The following AGL variants were observed in gnomAD, a reference collection of about 807,000 sequenced individuals.
AGL encodes amylo-alpha-1,6-glucosidase and 4-alpha-glucanotransferase.
AGL carries 128 observed loss-of-function variants against 199.3 expected under a neutral mutation model. The ratio of observed to expected loss-of-function variants is 0.64; its 90% CI spans 0.56 to 0.74. The LOEUF (loss-of-function observed/expected upper bound fraction) is 0.74, where lower values mean the gene tolerates loss of function less well. Among genes scored for constraint, AGL ranks in the 30% least tolerant of loss-of-function variants. The pLI, the probability that AGL is intolerant of heterozygous loss-of-function variation, is 0.00. For missense variants in AGL, 1,809 were observed against 1,820.8 expected (o/e 0.99, Z 0.12); for synonymous variants, 584 against 594.7 (o/e 0.98, Z 0.26).
intron 23 of AGL, 141 bp downstream of exon 23, chr1:99,891,880 T>A: frequency 1.1e-6 from 1 of 911,284 alleles, no homozygotes; most frequent in Non-Finnish European, 1.8e-6. Flanking sequence ...AGTAAATTTA[T>A]TAGCATCCTT....
chr1:99,899,585 C>T (rs1007212849), intron 25 of AGL, among the ~76,000 whole-genome samples: 1 of 138,630 alleles, frequency 7.2e-6, no homozygotes, highest in South Asian at 2.5e-4. Flanking sequence ...TCCCTCTCTC[C>T]TTCCTTCCTT....
At chr1:99,903,703 A>T (rs919274702) in intron 27 of AGL, among the ~76,000 whole-genome samples, 4 of 152,180 alleles carry the variant, frequency 2.6e-5, no homozygotes, top group Non-Finnish European at 4.4e-5. Flanking sequence ...TCCCTGAGGA[A>T]TCGCCACACT....
Position 99,884,582 on chromosome 1 carries a change from C to G in AGL, c.2560C>G (p.Pro854Ala). The change falls in exon 20 of 34, where the codon CCA becomes GCA. Residue 854 changes from proline to alanine, a missense_variant. Physicochemically the swap from Pro to Ala is conservative, Grantham distance 27 (BLOSUM62 -1). Transcript: ENST00000361915. ...TAACATTTTCAGAGTTAGTCTTGAT[C>G]CACATGCACAAGTCGCTGTTGGAAT... ...SVIIFRVSLDPHAQVAVGILR... is the reference protein window; with the variant it reads ...SVIIFRVSLDAHAQVAVGILR... The G allele has an allele frequency of 6.2e-7, 1 of 1,613,860 alleles. No homozygotes were observed. Among genetic ancestry groups the G allele is most frequent in the Non-Finnish European group, 8.5e-7 (1 of 1,179,912 alleles).
rs773550577 is a variant in AGL at position 99,913,559 on chromosome 1, A to G, written c.3982A>G (p.Asn1328Asp). The G allele has an allele frequency of 6.2e-7, 1 of 1,613,842 alleles. No homozygotes were observed. Among genetic ancestry groups the G allele is most frequent in the Admixed American group, 1.7e-5 (1 of 59,944 alleles). The change falls in exon 30 of 34, where the codon AAC becomes GAC. Residue 1328 changes from asparagine to aspartate, a missense_variant. By Grantham distance (23) the Asn-to-Asp change is conservative (BLOSUM62 1). Coordinates refer to ENST00000361915, the MANE Select transcript of AGL (RefSeq NM_000642.3). ...TATAAAGGTCTCATATGATGAGTGG[A>G]ACAGAAAAATACAAGACAACTTTGA... Reference protein sequence around the residue: ...KAIKVSYDEWNRKIQDNFEKL... With the variant: ...KAIKVSYDEWDRKIQDNFEKL...
intron 29 of AGL, 92 bp downstream of exon 29, chr1:99,912,609 T>C (rs1654829634): frequency 2.2e-6 from 2 of 919,966 alleles, no homozygotes; most frequent in Admixed American, 2.2e-5. Context: ...TCAGCTAATA[T>C]CGGAAAACCC....
At chr1:99,899,524 CTCTCTT>C (rs1251869939) in intron 25 of AGL, among the ~76,000 whole-genome samples, 12 of 135,610 alleles carry the variant, frequency 8.8e-5, no homozygotes, top group African/African-American at 2.6e-4. Flanking sequence ...CTCTCTCTCT[CTCTCTT>C]TCTCTCTCTC....
chr1:99,900,057 G>A (rs1308860568), intron 25 of AGL, among the ~76,000 whole-genome samples: 1 of 151,808 alleles, frequency 6.6e-6, no homozygotes, highest in Non-Finnish European at 1.5e-5. Context: ...AGCCTTCTGA[G>A]TAGCTGGGAC....
chr1:99,878,354 T>A (rs539333003), intron 12 of AGL, among the ~76,000 whole-genome samples: 31 of 151,836 alleles, frequency 2.0e-4, no homozygotes, highest in Admixed American at 6.6e-4. Flanking sequence ...AAAAATAAAT[T>A]AATTAATTAA....
intron 23 of AGL, 31 bp downstream of exon 23, chr1:99,891,770 A>G (rs1652918164): frequency 6.2e-7 from 1 of 1,612,486 alleles, no homozygotes; most frequent in East Asian, 2.2e-5. Flanking sequence ...ATAAATGGGC[A>G]TATCTGTGTT....
chr1:99,891,620 G>A lies in AGL; in HGVS notation c.2964G>A (p.Leu988=), dbSNP rs1174224353. 1.9e-6 allele frequency: 3 copies of A among 1,613,462 alleles called. No homozygotes were observed. Among genetic ancestry groups the A allele is most frequent in the South Asian group, 2.2e-5 (2 of 91,084 alleles). ...SGTIAEVGKW[L]QAMFFYLKQI... is the part of the protein sequence containing the mutation. ...TTTAATTACAGGTTGGTAAATGGTT[G>A]CAGGCTATGTTCTTCTACCTGAAGC... The change falls in exon 23 of 34, where the codon TTG becomes TTA. Residue 988 remains leucine (L), a synonymous_variant. Transcript: ENST00000361915.
intron 7 of AGL, among the ~76,000 whole-genome samples, chr1:99,873,212 G>C (rs1274730438): frequency 2.0e-5 from 3 of 151,724 alleles, no homozygotes; most frequent in Admixed American, 2.0e-4. Flanking sequence ...TATTTAACTT[G>C]ATTTGTATTT....
chr1:99,851,237 A>G, intron 2 of AGL, 113 bp downstream of exon 2: 2 of 974,268 alleles, frequency 2.1e-6, no homozygotes, highest in South Asian at 1.3e-5. Flanking sequence ...CCAAGGGTCT[A>G]AAACTTGATT....
chr1:99,864,995 T>C (rs1650386768), intron 5 of AGL, among the ~76,000 whole-genome samples: 1 of 152,198 alleles, frequency 6.6e-6, no homozygotes, highest in South Asian at 2.1e-4. Flanking sequence ...TCATAAGTTT[T>C]AATTTTCATG....
rs1652006542 is a variant in AGL at position 99,881,336 on chromosome 1, T to C, written c.2046T>C (p.Pro682=). 1 of 1,614,142 alleles carries C rather than the reference T, an allele frequency of 6.2e-7. No individual in the cohort carries two copies. Among genetic ancestry groups the C allele is most frequent in the Admixed American group, 1.7e-5 (1 of 60,018 alleles). ...SEERFYTKWN[P]EALPSNTGEV... ...AACGGTTTTACACTAAGTGGAATCCTGAAGCATTGCCTTCAAACACAGGTG... is the reference window on the plus strand; with the variant it reads ...AACGGTTTTACACTAAGTGGAATCCCGAAGCATTGCCTTCAAACACAGGTG... The change falls in exon 16 of 34, where the codon CCT becomes CCC. Residue 682 remains proline (P), a synonymous_variant. Coordinates refer to ENST00000361915, the MANE Select transcript of AGL (RefSeq NM_000642.3).
rs1239139705 is a variant in AGL, at chr1:99,912,504, A to C, written c.3936A>C (p.Thr1312=). 6.2e-7 allele frequency: 1 copy of C among 1,611,050 alleles called. No individual in the cohort carries two copies. Among genetic ancestry groups the C allele is most frequent in the Non-Finnish European group, 8.5e-7 (1 of 1,177,394 alleles). ...KKNIFPYHEV[T]VKRHGKAIKV... ...ATATTTTCCCTTATCATGAAGTCAC[A>C]GTAAAAAGACATGGTAAGCTGGTTA... Residue 1312 remains threonine, a synonymous_variant, in exon 29 of 34, where the codon ACA becomes ACC. Coordinates refer to ENST00000361915, the MANE Select transcript of AGL (RefSeq NM_000642.3).
chr1:99,896,387 A>G lies in AGL; in HGVS notation c.3361A>G (p.Arg1121Gly). Residue 1121 changes from arginine to glycine, a missense_variant and splice_region_variant, in exon 25 of 34, where the codon AGG becomes GGG. By Grantham distance (125) the Arg-to-Gly change is moderately radical. Transcript: ENST00000361915. The part of the protein sequence containing the change: ...LLITGRYVEA[R>G]NIILAFAGTL... ...GATTACTGGACGCTATGTAGAAGCC[A>G]GGTAGGAGAGCCTCTAAAGTGTTGT... 1 of 1,607,516 alleles carries G rather than the reference A, an allele frequency of 6.2e-7. No individual in the cohort carries two copies. The highest frequency in any genetic ancestry group is 1.1e-5 in the South Asian group (1 of 90,934).
In AGL at chr1:99,913,547, TATG is replaced by T. The variant is rs1654901415; in HGVS notation, c.3975_3977del (p.Asp1325del). ...TTCAGGAAAGGCTATAAAGGTCTCA[TATG>T]ATGAGTGGAACAGAAAAATACAAGA... is the stretch of plus-strand genomic sequence containing the variant. On this transcript the variant is annotated inframe_deletion, in exon 30 of 34. Coordinates refer to ENST00000361915, the MANE Select transcript of AGL (RefSeq NM_000642.3). 2 of 1,613,694 alleles carry T rather than the reference TATG, an allele frequency of 1.2e-6. No homozygotes were observed. The highest frequency in any genetic ancestry group is 1.7e-6 in the Non-Finnish European group (2 of 1,179,762).
Position 99,875,039 on chromosome 1 carries a change from A to G in AGL, c.1083-115A>G, listed in dbSNP as rs1651393989. The G allele has an allele frequency of 6.5e-6, 7 of 1,081,916 alleles. No individual in the cohort carries two copies. In the South Asian group the frequency reaches 1.0e-4, roughly 15 times the overall value. 67.0% of individuals were successfully genotyped at this position (1,081,916 alleles called of 1,614,324 possible). A position where few individuals can be genotyped will look rare whatever the true frequency, so the allele number is the denominator to read the frequency against. On this transcript the variant is annotated intron_variant, in intron 8 of 33. Coordinates refer to ENST00000361915, the MANE Select transcript of AGL (RefSeq NM_000642.3). ...ACAATTGGAAAACATCATCAGCCAT[A>G]ATTGAAATCCCGATGAATATATTTA...
At chr1:99,889,219 A>G (rs1400957977) in intron 21 of AGL, among the ~76,000 whole-genome samples, 2 of 152,186 alleles carry the variant, frequency 1.3e-5, no homozygotes, top group African/African-American at 4.8e-5. Context: ...AAACCACACT[A>G]AGTAGGCTGC....
Sources: allele counts gnomAD v4.1 joint callset (sites outside exome capture counted in the v4.1 genomes callset), GRCh38; gene constraint gnomAD v4.1.1; transcripts MANE v1.5; gene names NCBI Gene and HGNC (gene_info 2026-07-23, HGNC 2026-07-21).